BSND: variants seen among roughly 807,000 people sequenced by gnomAD.
The protein encoded by BSND is barttin CLCNK type accessory subunit beta, also known as barttin.
A neutral mutation model predicts 18.8 loss-of-function variants in BSND; 13 were observed. That is an observed-to-expected ratio of 0.69 (90% confidence interval 0.45 to 1.10). The LOEUF (loss-of-function observed/expected upper bound fraction) is 1.10. Ranked by LOEUF, BSND falls within the 50% of genes least tolerant of loss-of-function variation. The pLI, the probability that BSND is intolerant of heterozygous loss-of-function variation, is 0.00. For synonymous variants in BSND, 170 were observed against 161.8 expected, an observed-to-expected ratio of 1.05 and a Z score of -0.39; for missense variants, 379 against 416.7, an observed-to-expected ratio of 0.91 and a Z score of 0.79.
intron 1 of BSND, among the ~76,000 whole-genome samples, chr1:54,999,827 G>A (rs538241964): frequency 1.3e-3 from 204 of 152,294 alleles, no homozygotes; most frequent in African/African-American, 4.5e-3. Context: ...GCTCAGATGC[G>A]TGTGACTTAC....
In BSND at chr1:54,999,377, G is replaced by C. The variant is rs752245006; in HGVS notation, c.177+14G>C. ...TGCTACCCCAAGGTAGGTGGTAGTG[G>C]GGCTGGGTGGGGCCAGGTCAGCTGG... On this transcript the variant is annotated intron_variant, in intron 1 of 3. Coordinates refer to ENST00000651561, the MANE Select transcript of BSND (RefSeq NM_057176.3). 1.3e-6 allele frequency: 2 copies of C among 1,599,850 alleles called. No individual in the cohort carries two copies. The highest frequency in any genetic ancestry group is 2.7e-5 in the African/African-American group (2 of 74,686).
Position 55,011,174 on chromosome 1 carries a change from G to T in BSND, c.*2546G>T, listed in dbSNP as rs1271857352. The T allele has an allele frequency of 1.3e-5, 2 of 152,318 alleles. No homozygotes were observed. Among genetic ancestry groups the T allele is most frequent in the African/African-American group, 2.4e-5 (1 of 41,458 alleles). 9.4% of individuals were successfully genotyped at this position (152,318 alleles called of 1,614,324 possible). A position where few individuals can be genotyped will look rare whatever the true frequency, so the allele number is the denominator to read the frequency against. ...TGTTCTAGAGTTAGCATCTGCAGGG[G>T]GCTTGGGGTAGTGGAGTGAGATGGT... On this transcript the variant is annotated 3_prime_UTR_variant, in exon 4 of 4. Coordinates refer to ENST00000651561, the MANE Select transcript of BSND (RefSeq NM_057176.3).
chr1:55,004,936 A>T (rs1644381997), intron 1 of BSND, 86 bp from the exon 2 acceptor site: 1 of 1,256,002 alleles, frequency 8.0e-7, no homozygotes, highest in Non-Finnish European at 1.2e-6. Context: ...CCCAGAGCTC[A>T]TGGAGAGGTT....
Position 55,014,050 on chromosome 1 carries a change from T to C in BSND, c.*5422T>C, listed in dbSNP as rs1469969230. Among the ~76,000 whole-genome samples, 2 of 152,180 alleles carry C rather than the reference T, an allele frequency of 1.3e-5. No individual in the cohort carries two copies. Among genetic ancestry groups the C allele is most frequent in the Non-Finnish European group, 2.9e-5 (2 of 68,018 alleles). ...CTCCTAAACTGTGTGCCCCGCTCTG[T>C]CCCCAGCACTTCTGAATGACTAGCT... On this transcript the variant is annotated 3_prime_UTR_variant, in exon 4 of 4. Coordinates refer to ENST00000651561, the MANE Select transcript of BSND (RefSeq NM_057176.3).
intron 2 of BSND, 42 bp downstream of exon 2, chr1:55,005,158 T>C: frequency 6.3e-7 from 1 of 1,578,326 alleles, no homozygotes; most frequent in Non-Finnish European, 8.7e-7. Context: ...GTAAGCCCCA[T>C]AGGCCAGTCT....
chr1:55,016,015 G>A lies in BSND; in HGVS notation c.*7387G>A, dbSNP rs566930778. On this transcript the variant is annotated 3_prime_UTR_variant, in exon 4 of 4. Transcript: ENST00000651561. Reference sequence around the variant, plus strand: ...AACTGAGCTTAGAATAGGAGCGGAGGGTGGCTGGAGAAGACGTGGGTGAGT... The same window carrying A: ...AACTGAGCTTAGAATAGGAGCGGAGAGTGGCTGGAGAAGACGTGGGTGAGT... Among the ~76,000 whole-genome samples the A allele has an allele frequency of 6.6e-6, 1 of 152,324 alleles. No homozygotes were observed. The highest frequency in any genetic ancestry group is 6.5e-5 in the Admixed American group (1 of 15,306).
rs1644424659 is a variant in BSND at position 55,012,052 on chromosome 1, C to T, written c.*3424C>T. 6.6e-6 allele frequency among the ~76,000 whole-genome samples: 1 copy of T among 152,162 alleles called. No homozygotes were observed. Among genetic ancestry groups the T allele is most frequent in the Non-Finnish European group, 1.5e-5 (1 of 68,014 alleles). On this transcript the variant is annotated 3_prime_UTR_variant, in exon 4 of 4. Coordinates refer to ENST00000651561, the MANE Select transcript of BSND (RefSeq NM_057176.3). ...CAGGTTGGAGGGACTCTGGAAGTTT[C>T]CACCCTCTGGAGAGGGAAAGGCCCT...
Position 55,005,088 on chromosome 1 carries a change from G to C in BSND, c.244G>C (p.Glu82Gln), listed in dbSNP as rs1166907304. The C allele has an allele frequency of 6.2e-7, 1 of 1,614,094 alleles. No homozygotes were observed. The highest frequency in any genetic ancestry group is 1.3e-5 in the African/African-American group (1 of 74,946). The change falls in exon 2 of 4, where the codon GAG becomes CAG. Residue 82 changes from glutamate to glutamine, a missense_variant. Physicochemically the swap from Glu to Gln is conservative, Grantham distance 29. Transcript: ENST00000651561. ...ILSPKAMGLL[E>Q]NGLAAEMKSP... ...CTCCCCAAAGGCCATGGGCCTGCTG[G>C]AGAATGGGCTTGCTGCCGAGATGAA...
At position 55,015,483 on chromosome 1, in the gene BSND, C is replaced by T. The variant is rs1031662684; in HGVS notation, c.*6855C>T. On this transcript the variant is annotated 3_prime_UTR_variant, in exon 4 of 4. Coordinates refer to ENST00000651561, the MANE Select transcript of BSND (RefSeq NM_057176.3). ...AAGTCCCCAGGTCAGAAAATGGGCC[C>T]CACTGGTGATTCTGCAGATAGTCCC... Among the ~76,000 whole-genome samples, 2 of 152,132 alleles carry T rather than the reference C, an allele frequency of 1.3e-5. No individual in the cohort carries two copies. The highest frequency in any genetic ancestry group is 1.3e-4 in the Admixed American group (2 of 15,276).
Position 55,014,349 on chromosome 1 carries a change from G to T in BSND, c.*5721G>T, listed in dbSNP as rs976379587. Among the ~76,000 whole-genome samples, 1 of 152,238 alleles carries T rather than the reference G, an allele frequency of 6.6e-6. No homozygotes were observed. The highest frequency in any genetic ancestry group is 1.5e-5 in the Non-Finnish European group (1 of 68,048). The stretch of plus-strand genomic sequence containing the variant: ...GCCAGCTCTGTGACTTTGGCCAGGA[G>T]ACTTAGCCTCTCTGGCCCTCAATTT... On this transcript the variant is annotated 3_prime_UTR_variant, in exon 4 of 4. Transcript: ENST00000651561.
chr1:55,004,931 A>G, intron 1 of BSND, 91 bp from the exon 2 acceptor site: 1 of 1,198,724 alleles, frequency 8.3e-7, no homozygotes. Context: ...TGTCTCCCAG[A>G]GCTCATGGAG....
chr1:55,013,447 G>A lies in BSND; in HGVS notation c.*4819G>A, dbSNP rs1358011467. Among the ~76,000 whole-genome samples the A allele has an allele frequency of 6.6e-6, 1 of 152,320 alleles. No homozygotes were observed. The highest frequency in any genetic ancestry group is 1.9e-4 in the East Asian group (1 of 5,186). On this transcript the variant is annotated 3_prime_UTR_variant, in exon 4 of 4. Coordinates refer to ENST00000651561, the MANE Select transcript of BSND (RefSeq NM_057176.3). ...CAAAGTGCTGGCATTACAGGTGTGA[G>A]TCACTGCACCCAGCTGTCCCCATTT...
intron 1 of BSND, 50 bp downstream of exon 1, chr1:54,999,413 G>C: frequency 6.4e-7 from 1 of 1,562,964 alleles, no homozygotes; most frequent in Non-Finnish European, 8.7e-7. Context: ...GGCCAGGAGG[G>C]CTGGACACTG....
At chr1:55,006,676 C>G (rs1190077377) in intron 2 of BSND, among the ~76,000 whole-genome samples, 1 of 152,124 alleles carries the variant, frequency 6.6e-6, no homozygotes, top group African/African-American at 2.4e-5. Context: ...CAGCCTTTAC[C>G]CACCATCTGG....
chr1:55,008,454 G>A lies in BSND; in HGVS notation c.789G>A (p.Leu263=), dbSNP rs2100209753. The change falls in exon 4 of 4, where the codon CTG becomes CTA. Residue 263 remains leucine, a synonymous_variant. Coordinates refer to ENST00000651561, the MANE Select transcript of BSND (RefSeq NM_057176.3). The stretch of plus-strand genomic sequence containing the variant: ...AGGGGCAGCAGTGGGAAATAGCCCT[G>A]CCCAACAACTGGCAGCGGTACCCAA... The part of the protein sequence containing the change: ...PQEGQQWEIA[L]PNNWQRYPRT... The A allele has an allele frequency of 1.2e-6, 2 of 1,614,184 alleles. No individual in the cohort carries two copies. Among genetic ancestry groups the A allele is most frequent in the East Asian group, 2.2e-5 (1 of 44,872 alleles).
In BSND at chr1:55,012,104, G is replaced by A. The variant is rs1644424886; in HGVS notation, c.*3476G>A. Reference sequence around the variant, plus strand: ...GAGGGATGGCCCCTGCCCTTAACTGGAAAGGGTGGGCAAGGGAAGGCAGGG... The same window carrying A: ...GAGGGATGGCCCCTGCCCTTAACTGAAAAGGGTGGGCAAGGGAAGGCAGGG... On this transcript the variant is annotated 3_prime_UTR_variant, in exon 4 of 4. Coordinates refer to ENST00000651561, the MANE Select transcript of BSND (RefSeq NM_057176.3). Among the ~76,000 whole-genome samples the A allele has an allele frequency of 6.6e-6, 1 of 152,330 alleles. No individual in the cohort carries two copies. Among genetic ancestry groups the A allele is most frequent in the Admixed American group, 6.5e-5 (1 of 15,310 alleles).
rs369882063 is a variant in BSND at position 55,007,282 on chromosome 1, T to C, written c.548+10T>C. 3.4e-5 allele frequency: 54 copies of C among 1,590,054 alleles called. 1 individual carries two copies. The African/African-American group carries it at 6.6e-4, about 19-fold the overall frequency. On this transcript the variant is annotated intron_variant, in intron 3 of 3. Transcript: ENST00000651561. ...CTCAGAGCTGGCCCGGGTGAGTGCT[T>C]AGAGGGCAGGAGTGGGGCTTCTGCC...
chr1:55,011,267 G>A lies in BSND; in HGVS notation c.*2639G>A, dbSNP rs997191963. The A allele has an allele frequency of 1.4e-4, 21 of 152,174 alleles. No individual in the cohort carries two copies. Among genetic ancestry groups the A allele is most frequent in the Admixed American group, 1.4e-3 (21 of 15,284 alleles). 9.4% of individuals were successfully genotyped at this position (152,174 alleles called of 1,614,324 possible). On this transcript the variant is annotated 3_prime_UTR_variant, in exon 4 of 4. Coordinates refer to ENST00000651561, the MANE Select transcript of BSND (RefSeq NM_057176.3). ...GAGACCACACACCTGATCTGCCCAG[G>A]AAGGTCCCGGTTGACACCGACTGCC... is the stretch of plus-strand genomic sequence containing the variant.
At chr1:55,004,841 C>T (rs933282010) in intron 1 of BSND, among the ~76,000 whole-genome samples, 181 bp from the exon 2 acceptor site, 5 of 152,218 alleles carry the variant, frequency 3.3e-5, no homozygotes, top group Admixed American at 6.5e-5. Flanking sequence ...AGCAGGAGCA[C>T]AGAGGTCCAT....
Sources: gnomAD v4.1 joint callset for allele counts (sites outside exome capture counted in the v4.1 genomes callset) on GRCh38, gnomAD v4.1.1 for gene constraint, MANE v1.5 for transcripts, NCBI Gene and HGNC (gene_info 2026-07-23, HGNC 2026-07-21) for gene names.